Variants in PRKG1 observed in about 807,000 individuals in gnomAD.
PRKG1 encodes the protein cGMP-dependent protein kinase 1.
A neutral mutation model predicts 88.1 loss-of-function variants in PRKG1; 35 were observed. That is an observed-to-expected ratio of 0.40 (90% CI 0.30 to 0.53). The LOEUF (loss-of-function observed/expected upper bound fraction) is 0.53, where lower values mean the gene tolerates loss of function less well. PRKG1 is among the 20% of genes least tolerant of loss of function. PRKG1 has a pLI of 0.59. For synonymous variants in PRKG1, 303 were observed against 292.5 expected, an observed-to-expected ratio of 1.04 and a Z score of -0.37; for missense variants, 540 against 839.8, an observed-to-expected ratio of 0.64 and a Z score of 4.41.
At chr10:51,160,625 T>C (rs924837539) in intron 2 of PRKG1, among the ~76,000 whole-genome samples, 2 of 152,206 alleles carry the variant, frequency 1.3e-5, no homozygotes, top group African/African-American at 4.8e-5. Flanking sequence ...TTTACCTATC[T>C]GGTGGATGGG....
chr10:51,090,577 T>C (rs143120759), intron 1 of PRKG1, among the ~76,000 whole-genome samples: 1 of 152,324 alleles, frequency 6.6e-6, no homozygotes, highest in Non-Finnish European at 1.5e-5. Flanking sequence ...TTAAACCATG[T>C]TAAAAAAATC....
At position 51,804,584 on chromosome 10, in the gene PRKG1, G is replaced by C. The variant is rs1564653641; in HGVS notation, c.593-1G>C. On this transcript the variant is annotated splice_acceptor_variant, in intron 3 of 17. Coordinates refer to ENST00000373980, the MANE Select transcript of PRKG1 (RefSeq NM_006258.4). LOFTEE classifies it high-confidence loss of function. ...TTTGTTTCTCTTTTATTTTTCTCCA[G>C]CTCTTGTAAATGTAAAACTCTGGGC... 1 of 1,570,792 alleles carries C rather than the reference G, an allele frequency of 6.4e-7. No homozygotes were observed. The highest frequency in any genetic ancestry group is 8.8e-7 in the Non-Finnish European group (1 of 1,142,344).
chr10:51,666,822 T>A (rs1418164670), intron 3 of PRKG1, among the ~76,000 whole-genome samples: 1 of 151,942 alleles, frequency 6.6e-6, no homozygotes, highest in Non-Finnish European at 1.5e-5. Flanking sequence ...TGAGATGGAG[T>A]CTCTCTTTGT....
In PRKG1 at chr10:51,510,605, A is replaced by G. The variant is rs188714776; in HGVS notation, c.592+42769A>G. 1.6e-3 allele frequency among the ~76,000 whole-genome samples: 242 copies of G among 152,356 alleles called. 2 individuals carry two copies. Among genetic ancestry groups the G allele is most frequent in the African/African-American group, 4.3e-3 (180 of 41,590 alleles). On this transcript the variant is annotated intron_variant, in intron 3 of 17. Transcript: ENST00000373980. ...AATTATCAAATTTTGAGAATATTGT[A>G]CATTTTAAAATAAAACTAATTTTGT...
chr10:51,423,167 T>C (rs1323623828), intron 2 of PRKG1, among the ~76,000 whole-genome samples: 1 of 152,122 alleles, frequency 6.6e-6, no homozygotes, highest in Non-Finnish European at 1.5e-5. Context: ...CTTGCTTCTT[T>C]CCACATGAAG....
intron 2 of PRKG1, among the ~76,000 whole-genome samples, chr10:51,277,286 A>T (rs957167258): frequency 3.9e-5 from 6 of 152,008 alleles, no homozygotes; most frequent in Admixed American, 6.6e-5. Flanking sequence ...GTGTGGTATT[A>T]TTTCTGAGGG....
At chr10:52,144,771 C>T (rs1236999422) in intron 8 of PRKG1, among the ~76,000 whole-genome samples, 1 of 152,052 alleles carries the variant, frequency 6.6e-6, no homozygotes, top group Admixed American at 6.6e-5. Flanking sequence ...GAGCTGAGAT[C>T]GCATCACTGT....
chr10:51,662,329 T>C (rs1162776124), intron 3 of PRKG1, among the ~76,000 whole-genome samples: 1 of 152,152 alleles, frequency 6.6e-6, no homozygotes, highest in Non-Finnish European at 1.5e-5. Flanking sequence ...TTATGAATTA[T>C]GTAGAAATTA....
intron 3 of PRKG1, among the ~76,000 whole-genome samples, chr10:51,743,092 G>A (rs2132494074): frequency 6.6e-6 from 1 of 152,186 alleles, no homozygotes; most frequent in East Asian, 1.9e-4. Context: ...ACAGAGACCG[G>A]CAGCTCTTTC....
chr10:51,604,879 C>G (rs1838717571), intron 3 of PRKG1, among the ~76,000 whole-genome samples: 1 of 152,194 alleles, frequency 6.6e-6, no homozygotes, highest in Non-Finnish European at 1.5e-5. Flanking sequence ...TTAGTCAGCT[C>G]AATAGACCCT....
intron 2 of PRKG1, among the ~76,000 whole-genome samples, chr10:51,314,903 T>C (rs1410995227): frequency 2.6e-5 from 4 of 152,200 alleles, no homozygotes; most frequent in South Asian, 2.1e-4. Context: ...TATGTCTCCA[T>C]TGGTCTCACA....
At chr10:52,142,004 GTCAGGTATACTCAAA>G (rs2132651325) in intron 8 of PRKG1, among the ~76,000 whole-genome samples, 1 of 152,214 alleles carries the variant, frequency 6.6e-6, no homozygotes, top group South Asian at 2.1e-4. Flanking sequence ...TCCCAGAAGT[GTCAGGTATACTCAAA>G]TCACACTGTT....
chr10:51,032,584 C>T (rs1382135171), intron 1 of PRKG1, among the ~76,000 whole-genome samples: 1 of 152,018 alleles, frequency 6.6e-6, no homozygotes, highest in Non-Finnish European at 1.5e-5. Flanking sequence ...CATGGCAAAA[C>T]CCCGTCTCTA....
intron 2 of PRKG1, among the ~76,000 whole-genome samples, chr10:51,456,429 C>CA (rs1839587622): frequency 6.6e-6 from 1 of 151,950 alleles, no homozygotes; most frequent in Admixed American, 6.6e-5. Context: ...TCACCTTATA[C>CA]AAAAATTAAC....
chr10:52,002,043 A>G (rs1454094692), intron 5 of PRKG1, among the ~76,000 whole-genome samples: 1 of 152,086 alleles, frequency 6.6e-6, no homozygotes, highest in Admixed American at 6.6e-5. Flanking sequence ...TATCAGTGAG[A>G]TCTATAAACC....
At chr10:51,020,429 G>A (rs1843120173) in intron 1 of PRKG1, among the ~76,000 whole-genome samples, 1 of 152,158 alleles carries the variant, frequency 6.6e-6, no homozygotes, top group Non-Finnish European at 1.5e-5. Flanking sequence ...CATACTATTT[G>A]CCAGATACTG....
intron 5 of PRKG1, among the ~76,000 whole-genome samples, chr10:52,038,642 C>A (rs1416597122): frequency 6.6e-6 from 1 of 152,068 alleles, no homozygotes; most frequent in Non-Finnish European, 1.5e-5. Flanking sequence ...GAGGTACTTG[C>A]CCCTTTCCCA....
chr10:51,224,299 G>A (rs1052331621), intron 2 of PRKG1, among the ~76,000 whole-genome samples: 1 of 152,168 alleles, frequency 6.6e-6, no homozygotes, highest in African/African-American at 2.4e-5. Context: ...AGAAAGGTGT[G>A]TCCACCTAAT....
intron 7 of PRKG1, among the ~76,000 whole-genome samples, chr10:52,108,861 C>T (rs1386574008): frequency 3.9e-5 from 5 of 128,088 alleles, no homozygotes; most frequent in African/African-American, 1.6e-4. Context: ...GAGTGTCGCT[C>T]TGTCGCCCAA....
Sources: gnomAD v4.1 joint callset for allele counts (sites outside exome capture counted in the v4.1 genomes callset) on GRCh38, gnomAD v4.1.1 for gene constraint, MANE v1.5 for transcripts, NCBI Gene and HGNC (gene_info 2026-07-23, HGNC 2026-07-21) for gene names.